GRIP1: variants seen among roughly 807,000 people sequenced by gnomAD.
GRIP1 encodes glutamate receptor-interacting protein 1.
GRIP1 carries 45 observed loss-of-function variants against 129.9 expected under a neutral mutation model. The observed-to-expected ratio is 0.35, with a 90% CI of 0.27 to 0.44. The LOEUF (loss-of-function observed/expected upper bound fraction) is 0.44. Ranked by LOEUF, GRIP1 falls within the 20% of genes least tolerant of loss-of-function variation. The pLI, the probability that GRIP1 is intolerant of heterozygous loss-of-function variation, is 1.00. For synonymous variants in GRIP1, 530 were observed against 520.8 expected, an observed-to-expected ratio of 1.02 and a Z score of -0.24; for missense variants, 1,196 against 1,396.8, an observed-to-expected ratio of 0.86 and a Z score of 2.29.
intron 7 of GRIP1, among the ~76,000 whole-genome samples, chr12:66,511,141 A>G (rs556143250): frequency 1.3e-5 from 2 of 152,232 alleles, no homozygotes; most frequent in South Asian, 2.1e-4. Flanking sequence ...GTGATAGTGA[A>G]TAAGTCTCAT....
chr12:66,846,627 A>G (rs1438182008), intron 1 of GRIP1, among the ~76,000 whole-genome samples: 2 of 152,208 alleles, frequency 1.3e-5, no homozygotes, highest in Non-Finnish European at 2.9e-5. Context: ...GATTGTAGTG[A>G]TAGTATCACA....
At chr12:66,419,313 G>T (rs956034501) in intron 15 of GRIP1, among the ~76,000 whole-genome samples, 4 of 152,170 alleles carry the variant, frequency 2.6e-5, no homozygotes, top group Admixed American at 2.6e-4. Context: ...GGTAGTGGGG[G>T]GGTCAGCGTG....
chr12:67,019,454 G>A (rs532614322), intron 1 of GRIP1, among the ~76,000 whole-genome samples: 10 of 152,156 alleles, frequency 6.6e-5, no homozygotes, highest in South Asian at 2.1e-4. Context: ...AGGAAGGAAG[G>A]GCAGTATGTT....
At chr12:66,511,218 G>A (rs1414987008) in intron 7 of GRIP1, among the ~76,000 whole-genome samples, 2 of 152,086 alleles carry the variant, frequency 1.3e-5, no homozygotes, top group East Asian at 3.9e-4. Context: ...TGCTGCCATG[G>A]GAAATGTTCC....
At chr12:66,644,427 A>C (rs10784572) in intron 1 of GRIP1, among the ~76,000 whole-genome samples, 85,549 of 152,118 alleles carry the variant, frequency 0.56, 25,224 homozygotes, top group African/African-American at 0.74. Flanking sequence ...TTAACAAGTG[A>C]CTGCTCCACA....
intron 1 of GRIP1, among the ~76,000 whole-genome samples, chr12:66,826,763 T>TTTTTTTTTTTTTTTTTTTTTTTTTG (rs1566041031): frequency 6.6e-6 from 1 of 152,016 alleles, no homozygotes; most frequent in African/African-American, 2.4e-5. Context: ...CACAAAATTC[T>TTTTTTTTTTTTTTTTTTTTTTTTTG]AAATGCCATT....
chr12:66,369,626 A>G (rs1056431292), intron 23 of GRIP1, among the ~76,000 whole-genome samples: 12 of 152,046 alleles, frequency 7.9e-5, no homozygotes, highest in African/African-American at 2.2e-4. Flanking sequence ...GGCACTCATT[A>G]TGTGTTGATA....
At chr12:66,420,647 G>T in intron 15 of GRIP1, 73 bp downstream of exon 15, 1 of 835,180 alleles carries the variant, frequency 1.2e-6, no homozygotes, top group Non-Finnish European at 2.1e-6. Flanking sequence ...GGTTTGCTTT[G>T]GGTGTGGAAG....
chr12:66,786,204 G>A (rs1419330818), intron 1 of GRIP1, among the ~76,000 whole-genome samples: 1 of 152,216 alleles, frequency 6.6e-6, no homozygotes, highest in Non-Finnish European at 1.5e-5. Context: ...GGAATTTGGA[G>A]TTGGGGGTAG....
At position 66,455,376 on chromosome 12, in the gene GRIP1, AGGCCAAATGCCATT is replaced by A; in HGVS notation, c.1354+19_1354+32del. ...GCTCCATTGCCCACAGGTTTTTTCC[AGGCCAAATGCCATT>A]GGCTGTCATTTCACTTACATGAGCT... On this transcript the variant is annotated intron_variant, in intron 11 of 24. Transcript: ENST00000359742. The A allele has an allele frequency of 1.9e-6, 3 of 1,609,394 alleles. No individual in the cohort carries two copies. The highest frequency in any genetic ancestry group is 2.6e-6 in the Non-Finnish European group (3 of 1,175,688).
chr12:66,823,734 T>C (rs1387979786), intron 1 of GRIP1, among the ~76,000 whole-genome samples: 1 of 75,438 alleles, frequency 1.3e-5, no homozygotes, highest in African/African-American at 3.9e-5. Flanking sequence ...CTGAGAATCC[T>C]AGCACTTACA....
At chr12:66,471,536 T>C (rs1244924463) in intron 7 of GRIP1, among the ~76,000 whole-genome samples, 2 of 152,232 alleles carry the variant, frequency 1.3e-5, no homozygotes. Flanking sequence ...TTGTATGTTA[T>C]GTGAATTTTG....
At chr12:66,824,497 C>A (rs896796741) in intron 1 of GRIP1, among the ~76,000 whole-genome samples, 2 of 152,076 alleles carry the variant, frequency 1.3e-5, no homozygotes, top group African/African-American at 4.8e-5. Flanking sequence ...ACGCAAATGG[C>A]CTACTCATCA....
intron 1 of GRIP1, among the ~76,000 whole-genome samples, chr12:66,815,597 CAAAAAATAAAA>C (rs1287883957): frequency 2.6e-5 from 4 of 151,830 alleles, no homozygotes; most frequent in African/African-American, 9.7e-5. Flanking sequence ...CCCATCTCTA[CAAAAAATAAAA>C]GAAAAATTAG....
At chr12:66,696,677 C>T (rs567507219) in intron 1 of GRIP1, among the ~76,000 whole-genome samples, 2 of 151,796 alleles carry the variant, frequency 1.3e-5, no homozygotes, top group South Asian at 4.2e-4. Context: ...TGGTGGCGGG[C>T]ACCTGTAGTC....
rs548143083 is a variant in GRIP1, at chr12:66,983,732, C to T, written c.58+85318G>A. ...AAAGCCCAATAAGTTAAATTTTATG[C>T]ATACACTTCATCAGCCAGTATCATC... On this transcript the variant is annotated intron_variant, in intron 1 of 1. Transcript: ENST00000643019. 2.0e-5 allele frequency among the ~76,000 whole-genome samples: 3 copies of T among 152,276 alleles called. 1 individual carries two copies. The East Asian group carries it at 5.8e-4, about 29-fold the overall frequency.
At chr12:66,786,211 G>T (rs2038339503) in intron 1 of GRIP1, among the ~76,000 whole-genome samples, 1 of 152,326 alleles carries the variant, frequency 6.6e-6, no homozygotes, top group South Asian at 2.1e-4. Context: ...GGAGTTGGGG[G>T]TAGAAAATCA....
At chr12:66,545,270 T>G (rs1233400561) in intron 2 of GRIP1, among the ~76,000 whole-genome samples, 1 of 152,226 alleles carries the variant, frequency 6.6e-6, no homozygotes, top group Non-Finnish European at 1.5e-5. Flanking sequence ...GTTTGCTGTT[T>G]TTCTTTGTGT....
At chr12:66,535,471 A>T (rs1345770038) in intron 4 of GRIP1, among the ~76,000 whole-genome samples, 2 of 152,200 alleles carry the variant, frequency 1.3e-5, no homozygotes, top group Non-Finnish European at 2.9e-5. Context: ...TGATCATGTG[A>T]TTATAACATT....
Sources: gnomAD v4.1 joint callset for allele counts (sites outside exome capture counted in the v4.1 genomes callset) on GRCh38, gnomAD v4.1.1 for gene constraint, MANE v1.5 for transcripts, NCBI Gene and HGNC (gene_info 2026-07-23, HGNC 2026-07-21) for gene names.